Variants in DOK6 observed in about 807,000 individuals in gnomAD.
DOK6 encodes the protein downstream of tyrosine kinase 6.
In DOK6, 22 loss-of-function variants were observed where a neutral mutation model predicts 44.0. The ratio of observed to expected loss-of-function variants is 0.50; its 90% confidence interval spans 0.36 to 0.71. The LOEUF (loss-of-function observed/expected upper bound fraction) is 0.71, where lower values mean the gene tolerates loss of function less well. Ranked by LOEUF, DOK6 falls within the 30% of genes least tolerant of loss-of-function variation. The pLI, the probability that DOK6 is intolerant of heterozygous loss-of-function variation, is 0.00. For synonymous variants in DOK6, 166 were observed against 145.5 expected, an observed-to-expected ratio of 1.14 and a Z score of -1.01; for missense variants, 340 against 416.4, an observed-to-expected ratio of 0.82 and a Z score of 1.60.
intron 2 of DOK6, among the ~76,000 whole-genome samples, chr18:69,598,556 A>G (rs937227856): frequency 6.6e-6 from 1 of 152,132 alleles, no homozygotes; most frequent in Non-Finnish European, 1.5e-5. Context: ...AATCTTATAA[A>G]TTAGAAGAAA....
chr18:69,651,496 T>C (rs1985226046), intron 3 of DOK6, among the ~76,000 whole-genome samples: 2 of 149,792 alleles, frequency 1.3e-5, no homozygotes, highest in Admixed American at 1.3e-4. Flanking sequence ...TTTTTTTTTT[T>C]TTTTTTTTTT....
chr18:69,506,963 T>C (rs1333105831), intron 1 of DOK6, among the ~76,000 whole-genome samples: 1 of 152,094 alleles, frequency 6.6e-6, no homozygotes, highest in African/African-American at 2.4e-5. Context: ...TTGTATTTCA[T>C]TGATCTATAT....
chr18:69,693,530 T>C (rs1048056298), intron 4 of DOK6, among the ~76,000 whole-genome samples: 3 of 152,172 alleles, frequency 2.0e-5, no homozygotes, highest in Non-Finnish European at 2.9e-5. Context: ...TGAACAGACG[T>C]CTGTTTTCCT....
chr18:69,785,680 G>A (rs1980408822), intron 7 of DOK6, among the ~76,000 whole-genome samples: 1 of 152,056 alleles, frequency 6.6e-6, no homozygotes, highest in South Asian at 2.1e-4. Flanking sequence ...CTCAGTCACT[G>A]CCTTTTTATC....
chr18:69,799,529 A>G (rs887383064), intron 7 of DOK6, among the ~76,000 whole-genome samples: 1 of 152,148 alleles, frequency 6.6e-6, no homozygotes, highest in Non-Finnish European at 1.5e-5. Flanking sequence ...AGAAAGGTGC[A>G]TGTAGTTCTT....
At chr18:69,569,878 C>A (rs183836463) in intron 2 of DOK6, among the ~76,000 whole-genome samples, 4 of 152,066 alleles carry the variant, frequency 2.6e-5, no homozygotes, top group East Asian at 1.9e-4. Flanking sequence ...GAAAAAAGAA[C>A]AAGATCATGT....
intron 3 of DOK6, among the ~76,000 whole-genome samples, chr18:69,658,988 T>G (rs1985440420): frequency 6.6e-6 from 1 of 152,210 alleles, no homozygotes; most frequent in African/African-American, 2.4e-5. Flanking sequence ...AGAAGGCTAT[T>G]TTTTCTACTT....
rs532257941 is a variant in DOK6 at position 69,627,065 on chromosome 18, C to A, written c.289+27567C>A. Among the ~76,000 whole-genome samples, 4 of 152,276 alleles carry A rather than the reference C, an allele frequency of 2.6e-5. No homozygotes were observed. The East Asian group carries it at 5.8e-4, about 22-fold the overall frequency. ...CCTTATAGACCTGGGTAAATACTCT[C>A]ACGCAGTGAGACGGGCAGTCATTGA... On this transcript the variant is annotated intron_variant, in intron 3 of 7. Coordinates refer to ENST00000382713, the MANE Select transcript of DOK6 (RefSeq NM_152721.6).
chr18:69,426,286 C>G (rs979278475), intron 1 of DOK6, among the ~76,000 whole-genome samples: 1 of 152,110 alleles, frequency 6.6e-6, no homozygotes, highest in African/African-American at 2.4e-5. Flanking sequence ...CCAAAGCTGT[C>G]CAGGATCTTC....
rs1466560492 is a variant in DOK6, at chr18:69,738,949, A to G, written c.600-16A>G. 5 of 1,613,434 alleles carry G rather than the reference A, an allele frequency of 3.1e-6. No homozygotes were observed. The highest frequency in any genetic ancestry group is 3.4e-6 in the Non-Finnish European group (4 of 1,179,600). On this transcript the variant is annotated splice_polypyrimidine_tract_variant and intron_variant, in intron 5 of 7. Coordinates refer to ENST00000382713, the MANE Select transcript of DOK6 (RefSeq NM_152721.6). The stretch of plus-strand genomic sequence containing the variant: ...CACATGGAGACCCATCTCTTTCCCT[A>G]TCTCTATTCTCACAGAATGTGTGAC...
At chr18:69,515,031 G>A (rs558741391) in intron 1 of DOK6, among the ~76,000 whole-genome samples, 7 of 152,076 alleles carry the variant, frequency 4.6e-5, no homozygotes, top group Non-Finnish European at 1.0e-4. Flanking sequence ...CTATTCATGT[G>A]TATCAGCTCT....
At chr18:69,477,418 G>C (rs1236923251) in intron 1 of DOK6, among the ~76,000 whole-genome samples, 1 of 152,134 alleles carries the variant, frequency 6.6e-6, no homozygotes, top group African/African-American at 2.4e-5. Context: ...ATAAAGCTAT[G>C]TCTCTAATTG....
chr18:69,781,634 G>A (rs540359528), intron 7 of DOK6, among the ~76,000 whole-genome samples: 10 of 152,258 alleles, frequency 6.6e-5, no homozygotes, highest in African/African-American at 2.4e-4. Context: ...AGATGGAAAA[G>A]CTAGGTTTCA....
intron 2 of DOK6, among the ~76,000 whole-genome samples, chr18:69,589,794 T>G (rs918669029): frequency 3.9e-5 from 6 of 152,116 alleles, no homozygotes; most frequent in Non-Finnish European, 8.8e-5. Flanking sequence ...ATATTCCAAA[T>G]TTTACCGAGC....
At chr18:69,831,360 T>A (rs1170713457) in intron 7 of DOK6, among the ~76,000 whole-genome samples, 1 of 152,226 alleles carries the variant, frequency 6.6e-6, no homozygotes, top group Admixed American at 6.5e-5. Flanking sequence ...GATGCTAACC[T>A]GCCCTCAAAT....
intron 7 of DOK6, among the ~76,000 whole-genome samples, chr18:69,793,290 A>G (rs931280285): frequency 6.6e-6 from 1 of 152,194 alleles, no homozygotes; most frequent in Non-Finnish European, 1.5e-5. Flanking sequence ...AGCATCCACA[A>G]ATAGTTATCT....
At chr18:69,703,629 A>T (rs565485660) in intron 5 of DOK6, among the ~76,000 whole-genome samples, 1 of 152,334 alleles carries the variant, frequency 6.6e-6, no homozygotes, top group Non-Finnish European at 1.5e-5. Flanking sequence ...GCTTGGACAG[A>T]TCACCAGGGC....
chr18:69,528,027 A>G (rs537424637), intron 1 of DOK6, among the ~76,000 whole-genome samples: 119 of 151,812 alleles, frequency 7.8e-4, no homozygotes, highest in Non-Finnish European at 1.4e-3. Context: ...GCCGGGCATG[A>G]TGGTGGGTGC....
At chr18:69,503,073 TA>T (rs1208298337) in intron 1 of DOK6, among the ~76,000 whole-genome samples, 1 of 152,140 alleles carries the variant, frequency 6.6e-6, no homozygotes, top group African/African-American at 2.4e-5. Flanking sequence ...AGTTACCAGA[TA>T]GCTGAAATAT....
Sources: gnomAD v4.1 joint callset for allele counts (sites outside exome capture counted in the v4.1 genomes callset) on GRCh38, gnomAD v4.1.1 for gene constraint, MANE v1.5 for transcripts, NCBI Gene and HGNC (gene_info 2026-07-23, HGNC 2026-07-21) for gene names.